PNPLA1: variants seen among roughly 807,000 people sequenced by gnomAD.
PNPLA1 encodes omega-hydroxyceramide transacylase.
In PNPLA1, 36 loss-of-function variants were observed where a neutral mutation model predicts 51.7. The ratio of observed to expected loss-of-function variants is 0.70; its 90% CI spans 0.53 to 0.92. PNPLA1 has a LOEUF of 0.92. Among genes scored for constraint, PNPLA1 ranks in the 40% least tolerant of loss-of-function variants. The pLI is 0.00. For missense variants in PNPLA1, 658 were observed against 682.5 expected (o/e 0.96, Z 0.40); for synonymous variants, 293 against 280.1 (o/e 1.05, Z -0.46).
upstream of PNPLA1, among the ~76,000 whole-genome samples, chr6:36,269,871 GAGGGGCAT>G (rs959454167): frequency 2.6e-5 from 4 of 152,376 alleles, no homozygotes; most frequent in African/African-American, 9.6e-5. Context: ...AGGAGCCCAG[GAGGGGCAT>G]CTCTTTTGGG....
At chr6:36,280,066 C>T (rs1170270226) in intron 1 of PNPLA1, among the ~76,000 whole-genome samples, 2 of 152,126 alleles carry the variant, frequency 1.3e-5, no homozygotes, top group Admixed American at 1.3e-4. Context: ...ATTAGCTGGG[C>T]GTGGTGGTGC....
chr6:36,308,671 A>G, intron 8 of PNPLA1: 1 of 152,230 alleles, frequency 6.6e-6, no homozygotes, highest in East Asian at 1.9e-4. Flanking sequence ...AATCTGATGA[A>G]CTTTGAGTCC....
At chr6:36,278,642 A>G (rs1025644849) in intron 1 of PNPLA1, among the ~76,000 whole-genome samples, 2 of 152,190 alleles carry the variant, frequency 1.3e-5, no homozygotes, top group African/African-American at 2.4e-5. Flanking sequence ...TCCATCTTAT[A>G]CATGGGGGAT....
At chr6:36,284,992 C>T (rs1017302679) in intron 1 of PNPLA1, among the ~76,000 whole-genome samples, 4 of 152,060 alleles carry the variant, frequency 2.6e-5, no homozygotes, top group African/African-American at 9.7e-5. Flanking sequence ...GTAAATAAAC[C>T]AGGGTCACTG....
chr6:36,310,348 C>T (rs905349893), intron 8 of PNPLA1, among the ~76,000 whole-genome samples: 18 of 152,082 alleles, frequency 1.2e-4, no homozygotes, highest in Non-Finnish European at 1.6e-4. Flanking sequence ...GTAAGGGTTC[C>T]GTGGTCATCC....
intron 8 of PNPLA1, among the ~76,000 whole-genome samples, chr6:36,309,555 T>TGCAATTCA (rs1771342042): frequency 6.6e-6 from 1 of 152,158 alleles, no homozygotes; most frequent in South Asian, 2.1e-4. Context: ...GCGGGAACTG[T>TGCAATTCA]GCAATTCAGC....
intron 2 of PNPLA1, 116 bp downstream of exon 2, chr6:36,291,668 T>A (rs1582079174): frequency 2.3e-6 from 2 of 854,382 alleles, no homozygotes; most frequent in Non-Finnish European, 3.6e-6. Flanking sequence ...CCCTAGTCCT[T>A]CCCTTCCTTC....
In PNPLA1 at chr6:36,302,158, T is replaced by C. The variant is rs202194175; in HGVS notation, c.1073T>C (p.Leu358Pro). The change falls in exon 6 of 9, where the codon CTG (leucine) becomes CCG (proline). Residue 358 changes from leucine to proline, a missense_variant. Physicochemically the swap from Leu to Pro is moderately conservative, Grantham distance 98 (BLOSUM62 -3). Transcript: ENST00000636260. Reference sequence around the variant, plus strand: ...CTTGAGCAGCCACCTGCACAGCCACTGGCCTCTTCAACTCCACTTTCTCTA... The same window carrying C: ...CTTGAGCAGCCACCTGCACAGCCACCGGCCTCTTCAACTCCACTTTCTCTA... ...SPLEQPPAQP[L>P]ASSTPLSLSG... 2.7e-5 allele frequency: 44 copies of C among 1,614,250 alleles called. 1 individual carries two copies. In the Admixed American group the frequency reaches 5.8e-4, roughly 21 times the overall value.
intron 7 of PNPLA1, 64 bp downstream of exon 7, chr6:36,306,440 G>A (rs533404664): frequency 1.9e-5 from 27 of 1,427,130 alleles, no homozygotes; most frequent in African/African-American, 2.9e-5. Context: ...CCGGCTAAGC[G>A]ATATCTTCCA....
intron 1 of PNPLA1, among the ~76,000 whole-genome samples, chr6:36,276,110 C>G (rs1349725409): frequency 6.6e-6 from 1 of 151,918 alleles, no homozygotes. Context: ...AGGCACCCAC[C>G]ACCACGCCCA....
chr6:36,252,542 C>A (rs1230552933), intron 1 of PNPLA1, among the ~76,000 whole-genome samples: 23 of 133,434 alleles, frequency 1.7e-4, no homozygotes, highest in Non-Finnish European at 2.5e-4. Context: ...CAAAAGGGGT[C>A]AAAAAAAAAA....
In PNPLA1 at chr6:36,291,439, C is replaced by T. The variant is rs760900456; in HGVS notation, c.325C>T (p.Pro109Ser). ...GAGGCAGTTTCTGTACCGGGTCCTG[C>T]CCGAGGACTCCTACAAGGTCACCAC... Reference protein sequence around the residue: ...MMRQFLYRVLPEDSYKVTTGK... With the variant: ...MMRQFLYRVLSEDSYKVTTGK... The change falls in exon 2 of 9, where the codon CCC becomes TCC. Residue 109 changes from proline (P) to serine (S), a missense_variant. By Grantham distance (74) the Pro-to-Ser change is moderately conservative. Transcript: ENST00000636260. 6.8e-6 allele frequency: 11 copies of T among 1,613,984 alleles called. No individual in the cohort carries two copies. In the Admixed American group the frequency reaches 1.3e-4, roughly 20 times the overall value.
chr6:36,280,921 T>C (rs548871300), intron 1 of PNPLA1, among the ~76,000 whole-genome samples: 171 of 152,272 alleles, frequency 1.1e-3, no homozygotes, highest in African/African-American at 3.9e-3. Flanking sequence ...TCCTGAGTAG[T>C]TGGGACTATA....
upstream of PNPLA1, among the ~76,000 whole-genome samples, chr6:36,267,474 C>T (rs1384303957): frequency 6.6e-6 from 1 of 152,164 alleles, no homozygotes; most frequent in Non-Finnish European, 1.5e-5. Flanking sequence ...TCATTGCTGT[C>T]TCCACGTCCA....
intron 6 of PNPLA1, among the ~76,000 whole-genome samples, chr6:36,304,877 G>A (rs945803017): frequency 1.3e-5 from 2 of 152,160 alleles, no homozygotes; most frequent in African/African-American, 4.8e-5. Context: ...GAGACATTTA[G>A]CAATGTCTGC....
intron 5 of PNPLA1, among the ~76,000 whole-genome samples, chr6:36,297,303 C>CA (rs1770888048): frequency 6.6e-6 from 1 of 152,194 alleles, no homozygotes; most frequent in Non-Finnish European, 1.5e-5. Context: ...TCCACCACCT[C>CA]AGTCCTCTTG....
At chr6:36,251,887 G>A (rs1193891130) in intron 1 of PNPLA1, among the ~76,000 whole-genome samples, 1 of 152,168 alleles carries the variant, frequency 6.6e-6, no homozygotes, top group Non-Finnish European at 1.5e-5. Flanking sequence ...CTAGGTTACA[G>A]TGAGCTATGA....
intron 1 of PNPLA1, among the ~76,000 whole-genome samples, chr6:36,273,658 C>G (rs1769995677): frequency 7.6e-6 from 1 of 132,434 alleles, no homozygotes; most frequent in African/African-American, 3.0e-5. Context: ...TTTGAGAGGC[C>G]AAGGCAGGAA....
At chr6:36,283,585 G>A (rs369706940) in intron 1 of PNPLA1, among the ~76,000 whole-genome samples, 4 of 152,076 alleles carry the variant, frequency 2.6e-5, no homozygotes, top group African/African-American at 9.7e-5. Flanking sequence ...ACTTAAGCCC[G>A]GGAGTTCAAG....
Sources: allele counts gnomAD v4.1 joint callset (sites outside exome capture counted in the v4.1 genomes callset), GRCh38; gene constraint gnomAD v4.1.1; transcripts MANE v1.5; gene names NCBI Gene and HGNC (gene_info 2026-07-23, HGNC 2026-07-21).